Variants in PIK3R3 observed in about 807,000 individuals in gnomAD.
PIK3R3 encodes the protein phosphatidylinositol 3-kinase regulatory subunit gamma.
A neutral mutation model predicts 62.9 loss-of-function variants in PIK3R3; 64 were observed. The observed-to-expected ratio is 1.02, with a 90% confidence interval of 0.83 to 1.25. The LOEUF (loss-of-function observed/expected upper bound fraction) is 1.25, where lower values mean the gene tolerates loss of function less well. Among genes scored for constraint, PIK3R3 ranks in the 50% most tolerant of loss-of-function variants. The pLI is 0.00. For synonymous variants in PIK3R3, 165 were observed against 189.0 expected, an observed-to-expected ratio of 0.87 and a Z score of 1.04; for missense variants, 614 against 561.6, an observed-to-expected ratio of 1.09 and a Z score of -0.94.
chr1:46,153,468 C>T, the PIK3R3 span, among the ~76,000 whole-genome samples: 2 of 152,192 alleles, frequency 1.3e-5, no homozygotes, highest in Non-Finnish European at 2.9e-5. Flanking sequence ...CAAGCAGCAA[C>T]CTATTTTGGC....
chr1:46,139,947 C>A, the PIK3R3 span, among the ~76,000 whole-genome samples: 2 of 152,120 alleles, frequency 1.3e-5, no homozygotes, highest in African/African-American at 4.8e-5. Context: ...AAACAAGAAC[C>A]AGACAAATCT....
At chr1:46,147,728 A>G in the PIK3R3 span, among the ~76,000 whole-genome samples, 1 of 152,032 alleles carries the variant, frequency 6.6e-6, no homozygotes, top group African/African-American at 2.4e-5. Flanking sequence ...CCCAGCCAGA[A>G]CTCTGTTTTT....
At chr1:46,170,155 A>G in the PIK3R3 span, among the ~76,000 whole-genome samples, 1 of 152,112 alleles carries the variant, frequency 6.6e-6, no homozygotes, top group African/African-American at 2.4e-5. Flanking sequence ...CCCAAAAAAG[A>G]TAGCCATTCC....
upstream of PIK3R3, chr1:46,133,066 T>G (rs1472434234): frequency 7.9e-6 from 8 of 1,007,884 alleles, no homozygotes; most frequent in African/African-American, 1.7e-5. Flanking sequence ...GTCTTTTGTC[T>G]GCCTTGCTCC....
chr1:46,115,884 GGA>G (rs1654144640), intron 1 of PIK3R3, among the ~76,000 whole-genome samples: 2 of 152,186 alleles, frequency 1.3e-5, no homozygotes, highest in Admixed American at 6.5e-5. Flanking sequence ...CACGGGCAAA[GGA>G]GAGAGTTTAA....
intron 1 of PIK3R3, among the ~76,000 whole-genome samples, chr1:46,115,140 T>G (rs1312559609): frequency 6.6e-6 from 1 of 152,122 alleles, no homozygotes; most frequent in African/African-American, 2.4e-5. Flanking sequence ...CTTGTACTAC[T>G]GGGGAAGCCC....
chr1:46,124,368 G>C (rs1395827245), intron 1 of PIK3R3, among the ~76,000 whole-genome samples: 1 of 152,104 alleles, frequency 6.6e-6, no homozygotes, highest in African/African-American at 2.4e-5. Flanking sequence ...CTACACTCAG[G>C]CTGTCTCCCC....
intron 6 of PIK3R3, among the ~76,000 whole-genome samples, 173 bp downstream of exon 6, chr1:46,061,756 C>CA (rs1397342552): frequency 6.6e-6 from 1 of 152,110 alleles, no homozygotes; most frequent in Non-Finnish European, 1.5e-5. Context: ...GGAGAATGAA[C>CA]AAAGAGCAGA....
At chr1:46,100,667 G>A (rs953119770) in intron 1 of PIK3R3, among the ~76,000 whole-genome samples, 19 of 152,132 alleles carry the variant, frequency 1.2e-4, no homozygotes, top group African/African-American at 4.1e-4. Context: ...AAACAGAAGT[G>A]TATTGAACTT....
At chr1:46,115,246 C>T (rs766259991) in intron 1 of PIK3R3, among the ~76,000 whole-genome samples, 45 of 152,170 alleles carry the variant, frequency 3.0e-4, no homozygotes, top group Admixed American at 1.1e-3. Context: ...GCCAGGGGCC[C>T]TCACTCCCTT....
chr1:46,132,600 G>A lies in PIK3R3; in HGVS notation c.-648C>T, dbSNP rs952076592. 18 of 1,289,052 alleles carry A rather than the reference G, an allele frequency of 1.4e-5. No individual in the cohort carries two copies. The highest frequency in any genetic ancestry group is 6.2e-5 in the South Asian group (5 of 80,994). The allele number at this position is 1,289,052 out of a possible 1,614,324, so 79.9% of individuals were successfully genotyped here. On this transcript the variant is annotated 5_prime_UTR_variant, in exon 1 of 10. Coordinates refer to ENST00000262741, the MANE Select transcript of PIK3R3 (RefSeq NM_003629.4). ...CCCGCCGGGGTGTAAGAACCAACCC[G>A]ACCGCACCAACTGCCCTCAAGCTCT...
At chr1:46,137,461 A>G (rs372897238), upstream of PIK3R3, among the ~76,000 whole-genome samples, 18 of 152,374 alleles carry the variant, frequency 1.2e-4, no homozygotes, top group African/African-American at 4.1e-4. Context: ...CCAGACTTGC[A>G]TGCACCTGCT....
At chr1:46,138,739 G>A in the PIK3R3 span, 1 of 152,210 alleles carries the variant, frequency 6.6e-6, no homozygotes, top group African/African-American at 2.4e-5. Flanking sequence ...TGACTTCTAG[G>A]GTTTAAAGAT....
the PIK3R3 span, among the ~76,000 whole-genome samples, chr1:46,151,623 G>C: frequency 6.6e-6 from 1 of 152,132 alleles, no homozygotes; most frequent in Admixed American, 6.5e-5. Flanking sequence ...GCCCATTCCT[G>C]GTCTCTTGTT....
chr1:46,159,978 GC>G, the PIK3R3 span, among the ~76,000 whole-genome samples: 1 of 152,074 alleles, frequency 6.6e-6, no homozygotes, highest in Non-Finnish European at 1.5e-5. Context: ...AAACACACAA[GC>G]AAACAAAAAC....
chr1:46,122,556 T>C (rs192186804), intron 1 of PIK3R3, among the ~76,000 whole-genome samples: 3 of 152,056 alleles, frequency 2.0e-5, no homozygotes, highest in African/African-American at 7.2e-5. Flanking sequence ...TTAGTAGAGA[T>C]AGGGTTTCAC....
At chr1:46,118,877 T>C (rs1027756632) in intron 1 of PIK3R3, among the ~76,000 whole-genome samples, 5 of 151,786 alleles carry the variant, frequency 3.3e-5, no homozygotes, top group Admixed American at 2.0e-4. Flanking sequence ...TTTACTACTT[T>C]CCCCTCATTC....
Position 46,044,224 on chromosome 1 carries a change from A to T in PIK3R3, c.1188-353T>A, listed in dbSNP as rs1647054369. Among the ~76,000 whole-genome samples, 1 of 151,964 alleles carries T rather than the reference A, an allele frequency of 6.6e-6. No homozygotes were observed. Among genetic ancestry groups the T allele is most frequent in the Non-Finnish European group, 1.5e-5 (1 of 67,994 alleles). ...CCAAGTAGCCGGGACTACAGGTGTGAGCCACATGCCCAGCTACTTTTTTAT... is the reference window on the plus strand; with the variant it reads ...CCAAGTAGCCGGGACTACAGGTGTGTGCCACATGCCCAGCTACTTTTTTAT... On this transcript the variant is annotated intron_variant, in intron 9 of 9. Coordinates refer to ENST00000262741, the MANE Select transcript of PIK3R3 (RefSeq NM_003629.4). The surrounding 1 kb of genome is among the most constrained non-coding windows in gnomAD (Gnocchi z 4.2).
chr1:46,074,620 T>C (rs917645698), intron 3 of PIK3R3, among the ~76,000 whole-genome samples: 1 of 149,004 alleles, frequency 6.7e-6, no homozygotes, highest in African/African-American at 2.5e-5. Flanking sequence ...AAGGCCATTA[T>C]GGTTTCCTCA....
Sources: gnomAD v4.1 joint callset for allele counts (sites outside exome capture counted in the v4.1 genomes callset) on GRCh38, gnomAD v4.1.1 for gene constraint, Gnocchi (gnomAD v3.1) non-coding constraint, MANE v1.5 for transcripts, NCBI Gene and HGNC (gene_info 2026-07-23, HGNC 2026-07-21) for gene names.